MGAM: variants seen among roughly 807,000 people sequenced by gnomAD.
MGAM encodes alpha-1,4-glucosidase.
MGAM carries 253 observed loss-of-function variants against 358.8 expected under a neutral mutation model. That is an observed-to-expected ratio of 0.71 (90% CI 0.64 to 0.78). The LOEUF (loss-of-function observed/expected upper bound fraction) is 0.78. Ranked by LOEUF, MGAM falls within the 30% of genes least tolerant of loss-of-function variation. The pLI is 0.00. For missense variants in MGAM, 3,080 were observed against 3,432.6 expected (o/e 0.90, Z 2.57); for synonymous variants, 1,105 against 1,227.1 (o/e 0.90, Z 2.08).
chr7:142,049,521 G>C (rs1481487003), intron 22 of MGAM, among the ~76,000 whole-genome samples: 1 of 152,122 alleles, frequency 6.6e-6, no homozygotes, highest in Non-Finnish European at 1.5e-5. Context: ...GCAAACTACA[G>C]AATGGATAAA....
intron 70 of MGAM, 146 bp downstream of exon 70, chr7:142,103,585 C>T (rs1215716360): frequency 1.6e-5 from 11 of 669,284 alleles, no homozygotes; most frequent in Middle Eastern, 3.9e-4. Flanking sequence ...GAATGGACCA[C>T]GTGGAGATGA....
chr7:142,032,208 G>C (rs1807569435), intron 13 of MGAM, among the ~76,000 whole-genome samples: 1 of 151,976 alleles, frequency 6.6e-6, no homozygotes, highest in African/African-American at 2.4e-5. Context: ...AACAAACTAT[G>C]CCTGTGGTAA....
rs760032666 is a variant in MGAM, at chr7:142,064,508, C to T, written c.4470C>T (p.Thr1490=). Residue 1490 remains threonine (T), a synonymous_variant, in exon 37 of 71, where the codon ACC becomes ACT. Coordinates refer to ENST00000475668, the MANE Select transcript of MGAM (RefSeq NM_001365693.1). ...NVHNLYGWSQ[T]RPTYEAVQEV... Reference sequence around the variant, plus strand: ...ACAACCTGTATGGGTGGTCCCAGACCAGACCCACATACGAGTGAGTCTCCG... The same window carrying T: ...ACAACCTGTATGGGTGGTCCCAGACTAGACCCACATACGAGTGAGTCTCCG... The T allele has an allele frequency of 1.8e-5, 29 of 1,575,776 alleles. No homozygotes were observed. Among genetic ancestry groups the T allele is most frequent in the Non-Finnish European group, 6.9e-6 (8 of 1,160,796 alleles).
At chr7:142,058,117 C>A (rs1184741737) in intron 30 of MGAM, 86 bp from the exon 31 acceptor site, 3 of 1,584,874 alleles carry the variant, frequency 1.9e-6, no homozygotes, top group East Asian at 4.5e-5. Context: ...TAGCTTGGGG[C>A]ACAGAAAAAT....
At chr7:142,023,802 G>A (rs1806697157) in intron 7 of MGAM, among the ~76,000 whole-genome samples, 1 of 152,182 alleles carries the variant, frequency 6.6e-6, no homozygotes, top group South Asian at 2.1e-4. Context: ...AGTCAGAGCA[G>A]CTTACCTAGG....
intron 50 of MGAM, among the ~76,000 whole-genome samples, chr7:142,081,545 G>A (rs915477334): frequency 1.4e-5 from 2 of 145,900 alleles, no homozygotes; most frequent in African/African-American, 4.9e-5. Context: ...TGTGGTTGGA[G>A]CAATGGAGGA....
At position 142,091,924 on chromosome 7, in the gene MGAM, T is replaced by G; in HGVS notation, c.6822T>G (p.Ala2274=). The change falls in exon 58 of 71, where the codon GCT becomes GCG. Residue 2274 remains alanine (A), a synonymous_variant. Coordinates refer to ENST00000475668, the MANE Select transcript of MGAM (RefSeq NM_001365693.1). ...DWDSQVELYR[A]YVAFPDFFRN... ...TTTCTTTTTTATAGCTATATCGAGCTTATGTGGCCTTCCCAGACTTTTTCC... is the reference window on the plus strand; with the variant it reads ...TTTCTTTTTTATAGCTATATCGAGCGTATGTGGCCTTCCCAGACTTTTTCC... 2.0e-6 allele frequency: 3 copies of G among 1,501,226 alleles called. No homozygotes were observed. The highest frequency in any genetic ancestry group is 2.7e-6 in the Non-Finnish European group (3 of 1,096,998). 93.0% of individuals were successfully genotyped at this position (1,501,226 alleles called of 1,614,324 possible).
intron 4 of MGAM, among the ~76,000 whole-genome samples, chr7:142,020,602 TA>T (rs1173983501): frequency 7.3e-4 from 90 of 123,196 alleles, no homozygotes; most frequent in South Asian, 4.6e-3. Flanking sequence ...TATATATATA[TA>T]TTTTTTTTTT....
At chr7:142,035,370 C>A (rs1554465441) in intron 16 of MGAM, among the ~76,000 whole-genome samples, 1 of 152,018 alleles carries the variant, frequency 6.6e-6, no homozygotes, top group South Asian at 2.1e-4. Flanking sequence ...TAAGAGGAGA[C>A]AGATGTGTAA....
rs141673863 is a variant in MGAM, at chr7:142,050,529, A to C, written c.2638-168A>C. On this transcript the variant is annotated intron_variant, in intron 23 of 70. Transcript: ENST00000475668. ...TGTTTTTATGATCGTTTTAAATTAGAGGATTATCCAAATAATGTTGTACTT... is the reference window on the plus strand; with the variant it reads ...TGTTTTTATGATCGTTTTAAATTAGCGGATTATCCAAATAATGTTGTACTT... 7.9e-5 allele frequency among the ~76,000 whole-genome samples: 12 copies of C among 152,292 alleles called. No individual in the cohort carries two copies. The East Asian group carries it at 2.1e-3, about 27-fold the overall frequency.
chr7:142,101,410 A>G (rs919073997), intron 68 of MGAM, among the ~76,000 whole-genome samples: 4 of 151,222 alleles, frequency 2.6e-5, no homozygotes, highest in Admixed American at 6.6e-5. Context: ...CTGCTGTTCA[A>G]TATTGTATCT....
At chr7:141,998,410 C>T (rs1043526074) in intron 1 of MGAM, among the ~76,000 whole-genome samples, 29 of 152,124 alleles carry the variant, frequency 1.9e-4, no homozygotes, top group African/African-American at 6.8e-4. Flanking sequence ...TCCCCTAGCC[C>T]GCCATCCCCT....
intron 1 of MGAM, among the ~76,000 whole-genome samples, chr7:142,000,830 A>G (rs1804674783): frequency 6.6e-6 from 1 of 152,170 alleles, no homozygotes; most frequent in Non-Finnish European, 1.5e-5. Flanking sequence ...CCAAGTCTTC[A>G]TTGAGCATAG....
intron 3 of MGAM, among the ~76,000 whole-genome samples, chr7:142,009,113 C>G (rs1012945292): frequency 6.6e-6 from 1 of 152,116 alleles, no homozygotes; most frequent in Non-Finnish European, 1.5e-5. Flanking sequence ...TGTCTCTCCT[C>G]CTTTCAGAAT....
intron 70 of MGAM, among the ~76,000 whole-genome samples, chr7:142,105,030 C>T (rs980386291): frequency 2.0e-5 from 3 of 152,066 alleles, no homozygotes; most frequent in Admixed American, 6.6e-5. Context: ...AAGGACTTTG[C>T]CCAATCCTGT....
At chr7:142,096,860 C>A (rs1312547374) in intron 65 of MGAM, among the ~76,000 whole-genome samples, 1 of 152,020 alleles carries the variant, frequency 6.6e-6, no homozygotes, top group Non-Finnish European at 1.5e-5. Flanking sequence ...GCAGTAAAAG[C>A]CATTTCTTTA....
chr7:142,021,832 G>T, intron 6 of MGAM, 95 bp downstream of exon 6: 1 of 1,327,114 alleles, frequency 7.5e-7, no homozygotes, highest in Non-Finnish European at 1.1e-6. Context: ...TATTCCTGAA[G>T]GTTGTGGGCC....
intron 3 of MGAM, among the ~76,000 whole-genome samples, chr7:142,009,782 A>G (rs1205434070): frequency 6.6e-6 from 1 of 150,700 alleles, no homozygotes; most frequent in Non-Finnish European, 1.5e-5. Context: ...CTTGTAGAAG[A>G]TACATCTTAG....
Position 142,074,217 on chromosome 7 carries a change from T to C in MGAM, c.5275+44T>C, listed in dbSNP as rs550663581. On this transcript the variant is annotated intron_variant, in intron 45 of 70. Transcript: ENST00000475668. ...ATGTTGCTGTTTCCCAACCTGCGCC[T>C]GTGACTTATGGTCCTTCACTCCTGC... The C allele has an allele frequency of 3.5e-4, 452 of 1,302,962 alleles. 52 individuals are homozygous for C. In the South Asian group the frequency reaches 5.0e-3, roughly 15 times the overall value. The allele number at this position is 1,302,962 out of a possible 1,614,324, so 80.7% of individuals were successfully genotyped here. A position where few individuals can be genotyped will look rare whatever the true frequency, so the allele number is the denominator to read the frequency against.
Sources: allele counts gnomAD v4.1 joint callset (sites outside exome capture counted in the v4.1 genomes callset), GRCh38; gene constraint gnomAD v4.1.1; transcripts MANE v1.5; gene names NCBI Gene and HGNC (gene_info 2026-07-23, HGNC 2026-07-21).